The following CTNNA3 variants were observed in gnomAD, a reference collection of about 807,000 sequenced individuals.
CTNNA3 encodes catenin alpha 3, also known as catenin alpha-3.
In CTNNA3, 76 loss-of-function variants were observed where a neutral mutation model predicts 95.7. The observed-to-expected ratio is 0.79, with a 90% CI of 0.66 to 0.96. CTNNA3 has a LOEUF of 0.96. CTNNA3 is among the 40% of genes least tolerant of loss of function. The pLI, the probability that CTNNA3 is intolerant of heterozygous loss-of-function variation, is 0.00. For synonymous variants in CTNNA3, 431 were observed against 374.4 expected (o/e 1.15, Z -1.74); for missense variants, 1,191 against 1,089.8 (o/e 1.09, Z -1.31).
intron 16 of CTNNA3, among the ~76,000 whole-genome samples, chr10:65,974,430 G>A (rs926525584): frequency 1.3e-5 from 2 of 152,134 alleles, no homozygotes; most frequent in Non-Finnish European, 2.9e-5. Flanking sequence ...ATGAAATTAT[G>A]TCTCTTGCAG....
intron 3 of CTNNA3, among the ~76,000 whole-genome samples, chr10:67,542,646 C>G (rs1416910494): frequency 6.6e-6 from 1 of 152,074 alleles, no homozygotes; most frequent in Non-Finnish European, 1.5e-5. Flanking sequence ...TCAACAAACA[C>G]TGATACAGGT....
At chr10:67,208,494 G>A (rs1196558009) in intron 6 of CTNNA3, among the ~76,000 whole-genome samples, 1 of 151,646 alleles carries the variant, frequency 6.6e-6, no homozygotes, top group Non-Finnish European at 1.5e-5. Flanking sequence ...AATGAAAATA[G>A]CTAACATCAA....
At chr10:67,407,257 G>A (rs562844564) in intron 5 of CTNNA3, among the ~76,000 whole-genome samples, 22 of 152,186 alleles carry the variant, frequency 1.4e-4, no homozygotes, top group Admixed American at 2.0e-4. Flanking sequence ...TGCAAGTTTC[G>A]TTCAACACAC....
intron 15 of CTNNA3, among the ~76,000 whole-genome samples, chr10:65,993,924 C>T (rs2078595109): frequency 6.6e-6 from 1 of 152,086 alleles, no homozygotes; most frequent in African/African-American, 2.4e-5. Flanking sequence ...TTAGCAGAGA[C>T]AGGGTTTCAC....
chr10:66,430,674 T>C (rs962338128), intron 11 of CTNNA3, among the ~76,000 whole-genome samples: 1 of 152,086 alleles, frequency 6.6e-6, no homozygotes, highest in Non-Finnish European at 1.5e-5. Flanking sequence ...ATTTAATAAA[T>C]GGTGCTGGGA....
intron 15 of CTNNA3, among the ~76,000 whole-genome samples, chr10:66,059,640 C>T (rs2080155954): frequency 6.6e-6 from 1 of 152,020 alleles, no homozygotes; most frequent in Non-Finnish European, 1.5e-5. Flanking sequence ...GTTGCTCTGG[C>T]TCTAAATTCT....
intron 7 of CTNNA3, chr10:66,926,930 T>C (rs1181586600): frequency 6.4e-7 from 1 of 1,564,672 alleles, no homozygotes; most frequent in African/African-American, 1.4e-5. Context: ...GGTTTCAATG[T>C]AATTAGGCTA....
At chr10:66,039,313 C>T (rs376865809) in intron 15 of CTNNA3, among the ~76,000 whole-genome samples, 2 of 152,154 alleles carry the variant, frequency 1.3e-5, no homozygotes, top group Admixed American at 6.5e-5. Flanking sequence ...CCATACTGGC[C>T]GAAGCAATTT....
At chr10:66,601,516 T>G (rs1843922050) in intron 10 of CTNNA3, among the ~76,000 whole-genome samples, 1 of 151,910 alleles carries the variant, frequency 6.6e-6, no homozygotes, top group South Asian at 2.1e-4. Context: ...TATGGAGCAA[T>G]TACCTTATAG....
chr10:66,733,490 G>A (rs61169056), intron 9 of CTNNA3, among the ~76,000 whole-genome samples: 1,744 of 151,774 alleles, frequency 0.011, 38 homozygotes, highest in African/African-American at 0.04. Flanking sequence ...AAATATGTAT[G>A]TTTTTATTTT....
chr10:67,595,063 G>T (rs761868055), intron 3 of CTNNA3, among the ~76,000 whole-genome samples: 1 of 152,116 alleles, frequency 6.6e-6, no homozygotes, highest in Non-Finnish European at 1.5e-5. Flanking sequence ...TCATTAATTT[G>T]TTCCTTTTAT....
chr10:66,747,116 A>G (rs1275637521), intron 9 of CTNNA3, among the ~76,000 whole-genome samples: 1 of 152,252 alleles, frequency 6.6e-6, no homozygotes, highest in Non-Finnish European at 1.5e-5. Flanking sequence ...GTCAAGTGAC[A>G]GAGCCAGGAA....
chr10:66,598,783 T>C (rs1843814394), intron 10 of CTNNA3, among the ~76,000 whole-genome samples: 1 of 152,060 alleles, frequency 6.6e-6, no homozygotes, highest in Admixed American at 6.6e-5. Context: ...CTGTGTTCAA[T>C]GATTGGAAGA....
intron 10 of CTNNA3, among the ~76,000 whole-genome samples, chr10:66,522,766 C>G (rs201341077): frequency 1.0e-5 from 1 of 97,452 alleles, no homozygotes; most frequent in East Asian, 4.2e-3. Flanking sequence ...AGATCCTGTC[C>G]ACGCACGTTA....
At chr10:66,688,077 A>G (rs10740255) in intron 9 of CTNNA3, among the ~76,000 whole-genome samples, 84,165 of 151,866 alleles carry the variant, frequency 0.55, 24,073 homozygotes, top group African/African-American at 0.68. Flanking sequence ...AAAAATATAT[A>G]AAATCTAAAA....
chr10:66,331,656 T>C (rs893968777), intron 12 of CTNNA3, among the ~76,000 whole-genome samples: 2 of 152,006 alleles, frequency 1.3e-5, no homozygotes, highest in Non-Finnish European at 2.9e-5. Context: ...GTTCCATTGG[T>C]CTATATCTTC....
chr10:66,211,617 T>C (rs190988985), intron 13 of CTNNA3, among the ~76,000 whole-genome samples: 7 of 152,110 alleles, frequency 4.6e-5, no homozygotes, highest in Admixed American at 4.6e-4. Flanking sequence ...ACCTAGATAT[T>C]GAAAGGGGAT....
At chr10:67,059,938 T>G (rs1399362339) in intron 7 of CTNNA3, among the ~76,000 whole-genome samples, 1 of 152,160 alleles carries the variant, frequency 6.6e-6, no homozygotes, top group Non-Finnish European at 1.5e-5. Context: ...ACTGTTTCTG[T>G]TTCTAAGATT....
At chr10:67,054,113 C>T (rs1459690208) in intron 7 of CTNNA3, among the ~76,000 whole-genome samples, 1 of 152,078 alleles carries the variant, frequency 6.6e-6, no homozygotes, top group African/African-American at 2.4e-5. Context: ...TCCATCGCTC[C>T]TTTATAATTC....
Sources: allele counts gnomAD v4.1 joint callset (sites outside exome capture counted in the v4.1 genomes callset), GRCh38; gene constraint gnomAD v4.1.1; transcripts MANE v1.5; gene names NCBI Gene and HGNC (gene_info 2026-07-23, HGNC 2026-07-21).